NRG1: variants seen among roughly 807,000 people sequenced by gnomAD.
NRG1 encodes pro-neuregulin-1, membrane-bound isoform.
A neutral mutation model predicts 63.8 loss-of-function variants in NRG1; 18 were observed. The observed-to-expected ratio is 0.28, with a 90% CI of 0.19 to 0.42. NRG1 has a LOEUF of 0.42. NRG1 is among the 10% of genes least tolerant of loss of function. The probability of loss-of-function intolerance (pLI) is 1.00; values close to 1 mark genes in which losing one functional copy is unlikely to be tolerated. For missense variants in NRG1, 762 were observed against 814.7 expected (o/e 0.94, Z 0.79); for synonymous variants, 302 against 301.3 (o/e 1.00, Z -0.02).
intron 1 of NRG1, among the ~76,000 whole-genome samples, chr8:31,855,788 G>C (rs1033732483): frequency 6.6e-5 from 10 of 152,002 alleles, no homozygotes; most frequent in Non-Finnish European, 1.3e-4. Context: ...TCCTTCAGGA[G>C]CTCTTTTAGG....
intron 1 of NRG1, among the ~76,000 whole-genome samples, chr8:31,913,361 T>G (rs1482978749): frequency 6.6e-6 from 1 of 152,208 alleles, no homozygotes; most frequent in Non-Finnish European, 1.5e-5. Flanking sequence ...ACATGCCATA[T>G]GCCATATTTC....
At chr8:32,240,068 G>A (rs1847950471) in intron 1 of NRG1, among the ~76,000 whole-genome samples, 1 of 152,120 alleles carries the variant, frequency 6.6e-6, no homozygotes, top group African/African-American at 2.4e-5. Flanking sequence ...TCCCAGAGAA[G>A]TAAAAACTTA....
intron 1 of NRG1, among the ~76,000 whole-genome samples, chr8:31,656,810 C>G (rs539309113): frequency 6.6e-6 from 1 of 152,286 alleles, no homozygotes; most frequent in East Asian, 1.9e-4. Flanking sequence ...GAATTAACTA[C>G]CATTCATAGC....
rs181965425 is a variant in NRG1, at chr8:32,216,638, G to T, written c.38-379190G>T. Among the ~76,000 whole-genome samples, 6 of 149,264 alleles carry T rather than the reference G, an allele frequency of 4.0e-5. No individual in the cohort carries two copies. The East Asian group carries it at 9.8e-4, about 24-fold the overall frequency. On this transcript the variant is annotated intron_variant, in intron 1 of 10. Transcript: ENST00000519301. ...TATTATTAAATTATTATTATTTTAA[G>T]TTCCTAGGAGCACAATAGAAATGCT... is the stretch of plus-strand genomic sequence containing the variant.
At chr8:32,231,672 G>A (rs1358151703) in intron 1 of NRG1, among the ~76,000 whole-genome samples, 3 of 151,948 alleles carry the variant, frequency 2.0e-5, no homozygotes. Context: ...AGACCAAGGT[G>A]GGTGGATTAC....
intron 1 of NRG1, among the ~76,000 whole-genome samples, chr8:31,799,720 G>A (rs1311964750): frequency 6.6e-6 from 1 of 151,584 alleles, no homozygotes; most frequent in African/African-American, 2.4e-5. Context: ...CTGTTTTTTT[G>A]TGTATGCATA....
rs187850032 is a variant in NRG1 at position 32,430,966 on chromosome 8, C to T, written c.38-164862C>T. Among the ~76,000 whole-genome samples the T allele has an allele frequency of 3.1e-3, 466 of 152,174 alleles. 1 individual carries two copies. The highest frequency in any genetic ancestry group is 0.016 in the South Asian group (77 of 4,820). Reference sequence around the variant, plus strand: ...AGTAGCTCATAGTCTAGAGATGTCACCATAATAATAACTAGCATTTATTGG... The same window carrying T: ...AGTAGCTCATAGTCTAGAGATGTCATCATAATAATAACTAGCATTTATTGG... On this transcript the variant is annotated intron_variant, in intron 1 of 10. Transcript: ENST00000519301.
At chr8:32,272,219 T>C (rs549686227) in intron 1 of NRG1, among the ~76,000 whole-genome samples, 1 of 152,260 alleles carries the variant, frequency 6.6e-6, no homozygotes, top group Non-Finnish European at 1.5e-5. Flanking sequence ...AGGGTTCTGG[T>C]GAGAACTTTC....
At chr8:32,102,655 G>A (rs749647643) in intron 1 of NRG1, among the ~76,000 whole-genome samples, 2 of 152,146 alleles carry the variant, frequency 1.3e-5, no homozygotes, top group Non-Finnish European at 2.9e-5. Context: ...CCATCAGGAA[G>A]GCCATTGATC....
intron 7 of NRG1, among the ~76,000 whole-genome samples, chr8:32,751,850 C>A (rs1828802657): frequency 6.6e-6 from 1 of 151,822 alleles, no homozygotes; most frequent in South Asian, 2.1e-4. Flanking sequence ...CCAAACGCAG[C>A]TCAATCTATT....
intron 1 of NRG1, among the ~76,000 whole-genome samples, chr8:32,039,766 T>C (rs1269367156): frequency 2.0e-5 from 3 of 152,096 alleles, no homozygotes; most frequent in Middle Eastern, 3.2e-3. Context: ...TGCCTGTTAT[T>C]CCAGTGCTTT....
chr8:31,982,380 T>A (rs1809279755), intron 1 of NRG1, among the ~76,000 whole-genome samples: 1 of 152,000 alleles, frequency 6.6e-6, no homozygotes, highest in African/African-American at 2.4e-5. Flanking sequence ...GGAAGACCAT[T>A]TGAAGGCTAT....
chr8:31,827,709 CT>C (rs1166544043), intron 1 of NRG1, among the ~76,000 whole-genome samples: 1 of 152,166 alleles, frequency 6.6e-6, no homozygotes, highest in Non-Finnish European at 1.5e-5. Flanking sequence ...TCAACTTTTT[CT>C]TTTACCTCTC....
At chr8:32,385,882 C>T (rs11992097) in intron 1 of NRG1, among the ~76,000 whole-genome samples, 1,676 of 152,294 alleles carry the variant, frequency 0.011, 34 homozygotes, top group African/African-American at 0.038. Flanking sequence ...ATCTTTTCAG[C>T]AATACTGCTG....
At chr8:32,100,453 T>C (rs1830426694) in intron 1 of NRG1, among the ~76,000 whole-genome samples, 1 of 152,214 alleles carries the variant, frequency 6.6e-6, no homozygotes, top group Admixed American at 6.5e-5. Context: ...GCTTTGGGCT[T>C]AGTAATTGGC....
intron 1 of NRG1, among the ~76,000 whole-genome samples, chr8:32,414,580 A>G (rs1815592218): frequency 6.6e-6 from 1 of 152,194 alleles, no homozygotes; most frequent in Non-Finnish European, 1.5e-5. Context: ...GGCATGTTTC[A>G]GAGACTATCC....
At chr8:31,891,807 A>G (rs1482319410) in intron 1 of NRG1, among the ~76,000 whole-genome samples, 4 of 152,190 alleles carry the variant, frequency 2.6e-5, no homozygotes, top group Admixed American at 1.3e-4. Flanking sequence ...AATAGTATTC[A>G]GCAATAAAAT....
At chr8:31,780,725 A>C (rs1819602341) in intron 1 of NRG1, among the ~76,000 whole-genome samples, 1 of 152,188 alleles carries the variant, frequency 6.6e-6, no homozygotes, top group African/African-American at 2.4e-5. Flanking sequence ...ATATTGGAGC[A>C]AATCAGAGAT....
chr8:32,293,651 T>C (rs1483749193), intron 1 of NRG1, among the ~76,000 whole-genome samples: 1 of 151,734 alleles, frequency 6.6e-6, no homozygotes, highest in Non-Finnish European at 1.5e-5. Flanking sequence ...TTTTTCTATT[T>C]TTTTATTTTT....
Sources: gnomAD v4.1 joint callset for allele counts (sites outside exome capture counted in the v4.1 genomes callset) on GRCh38, gnomAD v4.1.1 for gene constraint, MANE v1.5 for transcripts, NCBI Gene and HGNC (gene_info 2026-07-23, HGNC 2026-07-21) for gene names.